SLC10A7: variants seen among roughly 807,000 people sequenced by gnomAD.
SLC10A7 encodes the protein solute carrier family 10 member 7, also known as sodium/bile acid cotransporter 7.
Under a neutral mutation model 43.2 loss-of-function variants are expected in SLC10A7, and 29 were observed. That is an observed-to-expected ratio of 0.67 (90% CI 0.50 to 0.92). The LOEUF (loss-of-function observed/expected upper bound fraction) is 0.92. SLC10A7 is among the 40% of genes least tolerant of loss of function. SLC10A7 has a pLI of 0.00. For synonymous variants in SLC10A7, 152 were observed against 144.8 expected, an observed-to-expected ratio of 1.05 and a Z score of -0.35; for missense variants, 295 against 403.2, an observed-to-expected ratio of 0.73 and a Z score of 2.30.
At chr4:146,282,658 A>C (rs115718500) in intron 10 of SLC10A7, among the ~76,000 whole-genome samples, 2,477 of 152,296 alleles carry the variant, frequency 0.016, 33 homozygotes, top group Non-Finnish European at 0.022. Context: ...CCATTAAATA[A>C]ATACTTATTT....
intron 2 of SLC10A7, 139 bp downstream of exon 2, chr4:146,516,899 T>A: frequency 3.3e-6 from 2 of 615,290 alleles, no homozygotes; most frequent in Non-Finnish European, 5.6e-6. Flanking sequence ...ACAAGTCCTT[T>A]GCCGACCAAG....
At chr4:146,463,592 G>A (rs991718850) in intron 4 of SLC10A7, among the ~76,000 whole-genome samples, 15 of 151,724 alleles carry the variant, frequency 9.9e-5, no homozygotes, top group Admixed American at 2.0e-4. Context: ...AATTAAAAAC[G>A]TAGCCAGGTG....
intron 3 of SLC10A7, among the ~76,000 whole-genome samples, chr4:146,507,971 A>G (rs979660674): frequency 6.6e-6 from 1 of 152,228 alleles, no homozygotes; most frequent in South Asian, 2.1e-4. Flanking sequence ...AAGCTGTCCA[A>G]TTAATCTTCC....
chr4:146,350,436 G>A (rs1474183302), intron 5 of SLC10A7, among the ~76,000 whole-genome samples: 1 of 140,310 alleles, frequency 7.1e-6, no homozygotes, highest in African/African-American at 2.8e-5. Context: ...AAACTGTAAG[G>A]CGGCAGCGAG....
intron 5 of SLC10A7, among the ~76,000 whole-genome samples, chr4:146,415,498 T>C (rs1728499615): frequency 6.6e-6 from 1 of 152,210 alleles, no homozygotes; most frequent in Non-Finnish European, 1.5e-5. Flanking sequence ...GTTGCTATTA[T>C]ATTCTTATCC....
At chr4:146,341,714 G>C in intron 5 of SLC10A7, among the ~76,000 whole-genome samples, 1 of 151,834 alleles carries the variant, frequency 6.6e-6, no homozygotes, top group South Asian at 2.1e-4. Flanking sequence ...GGGCTTACAT[G>C]TTCTATTAAA....
At chr4:146,498,337 T>G (rs943134594) in intron 4 of SLC10A7, among the ~76,000 whole-genome samples, 1 of 151,640 alleles carries the variant, frequency 6.6e-6, no homozygotes, top group Non-Finnish European at 1.5e-5. Flanking sequence ...AGGCTAGTCT[T>G]GAACTCCTGA....
intron 4 of SLC10A7, among the ~76,000 whole-genome samples, chr4:146,461,076 C>T (rs1033398993): frequency 1.3e-5 from 2 of 151,858 alleles, no homozygotes; most frequent in South Asian, 2.1e-4. Context: ...TGTCTTTTCA[C>T]GTCATTATTT....
Position 146,330,880 on chromosome 4 carries a change from T to C in SLC10A7, c.436-4884A>G, listed in dbSNP as rs541623359. Among the ~76,000 whole-genome samples the C allele has an allele frequency of 4.6e-5, 7 of 152,174 alleles. No individual in the cohort carries two copies. In the South Asian group the frequency reaches 1.5e-3, roughly 32 times the overall value. On this transcript the variant is annotated intron_variant, in intron 5 of 11. Coordinates refer to ENST00000335472, the MANE Select transcript of SLC10A7 (RefSeq NM_001029998.6). ...GCTTTCTCATGAAGAGAAAGCTCTT[T>C]CTTATATTGCTTCCAAATCACTATC...
At chr4:146,398,178 T>C (rs761313861) in intron 5 of SLC10A7, among the ~76,000 whole-genome samples, 22 of 152,304 alleles carry the variant, frequency 1.4e-4, no homozygotes, top group Non-Finnish European at 2.6e-4. Context: ...TACTAAAAAA[T>C]AGATAAATCT....
intron 5 of SLC10A7, chr4:146,408,503 AAAAAC>A (rs567147524): frequency 2.0e-5 from 3 of 152,508 alleles, no homozygotes; most frequent in South Asian, 2.1e-4. Flanking sequence ...CTGTGTCTCA[AAAAAC>A]AAAACAAAAC....
chr4:146,321,811 C>A (rs1732727689), intron 6 of SLC10A7, among the ~76,000 whole-genome samples: 1 of 152,130 alleles, frequency 6.6e-6, no homozygotes, highest in Non-Finnish European at 1.5e-5. Context: ...CAGTTACTTG[C>A]TCATTATTTG....
intron 4 of SLC10A7, among the ~76,000 whole-genome samples, chr4:146,500,315 C>T (rs1736278459): frequency 6.6e-6 from 1 of 152,134 alleles, no homozygotes. Context: ...TCACTTTCCT[C>T]ATCTAGATGG....
Position 146,500,864 on chromosome 4 carries a change from C to A in SLC10A7, c.396+2985G>T, listed in dbSNP as rs1736343837. Among the ~76,000 whole-genome samples, 3 of 152,182 alleles carry A rather than the reference C, an allele frequency of 2.0e-5. No homozygotes were observed. The South Asian group carries it at 6.2e-4, about 32-fold the overall frequency. On this transcript the variant is annotated intron_variant, in intron 4 of 11. Coordinates refer to ENST00000335472, the MANE Select transcript of SLC10A7 (RefSeq NM_001029998.6). ...CACCAAAACCACTGTGGTCAGGCTG[C>A]CAATTACTCCATGTAGCATAATTTA...
At chr4:146,351,310 A>G (rs556837640) in intron 5 of SLC10A7, among the ~76,000 whole-genome samples, 3 of 151,368 alleles carry the variant, frequency 2.0e-5, no homozygotes, top group Non-Finnish European at 4.4e-5. Flanking sequence ...AATGAAATGA[A>G]GCGAGAAGGG....
chr4:146,476,036 G>C (rs186423379), intron 4 of SLC10A7, among the ~76,000 whole-genome samples: 4 of 152,244 alleles, frequency 2.6e-5, no homozygotes, highest in African/African-American at 7.2e-5. Context: ...TTTCAAATCA[G>C]AACGCTTCCT....
chr4:146,322,906 T>C (rs528389107), intron 6 of SLC10A7, among the ~76,000 whole-genome samples: 118 of 152,342 alleles, frequency 7.7e-4, no homozygotes, highest in African/African-American at 2.8e-3. Context: ...TTTTTAATGA[T>C]TGCCATTCTA....
chr4:146,283,508 G>A (rs936779815), intron 9 of SLC10A7, among the ~76,000 whole-genome samples: 2 of 152,026 alleles, frequency 1.3e-5, no homozygotes, highest in Admixed American at 6.6e-5. Context: ...CTAAGATCAC[G>A]TATATAATCA....
rs879816082 is a variant in SLC10A7 at position 146,382,057 on chromosome 4, GA to G, written c.436-56062del. 3.7e-3 allele frequency among the ~76,000 whole-genome samples: 538 copies of G among 146,704 alleles called. 1 individual carries two copies. Among genetic ancestry groups the G allele is most frequent in the African/African-American group, 0.012 (462 of 40,152 alleles). On this transcript the variant is annotated intron_variant, in intron 5 of 11. Transcript: ENST00000335472. ...AACTCTCTAAAGGCATGGGATAAGA[GA>G]AAAAAAAAAATCTAATCTGACAAAG...
Sources: gnomAD v4.1 joint callset for allele counts (sites outside exome capture counted in the v4.1 genomes callset) on GRCh38, gnomAD v4.1.1 for gene constraint, MANE v1.5 for transcripts, NCBI Gene and HGNC (gene_info 2026-07-23, HGNC 2026-07-21) for gene names.